AKAP13: variants seen among roughly 807,000 people sequenced by gnomAD.
AKAP13 encodes the protein A-kinase anchoring protein 13, also known as A-kinase anchor protein 13.
Under a neutral mutation model 264.5 loss-of-function variants are expected in AKAP13, and 80 were observed. The ratio of observed to expected loss-of-function variants is 0.30; its 90% CI spans 0.25 to 0.36. The LOEUF (loss-of-function observed/expected upper bound fraction) is 0.36. Ranked by LOEUF, AKAP13 falls within the 10% of genes least tolerant of loss-of-function variation. AKAP13 has a pLI of 1.00. For synonymous variants in AKAP13, 1,380 were observed against 1,250.2 expected, an observed-to-expected ratio of 1.10 and a Z score of -2.19; for missense variants, 3,712 against 3,435.2, an observed-to-expected ratio of 1.08 and a Z score of -2.01.
At chr15:85,641,397 G>T (rs1232573724) in intron 9 of AKAP13, among the ~76,000 whole-genome samples, 2 of 150,164 alleles carry the variant, frequency 1.3e-5, no homozygotes, top group Non-Finnish European at 3.0e-5. Flanking sequence ...AGTGAGCCAA[G>T]ATCATGCCAC....
intron 5 of AKAP13, among the ~76,000 whole-genome samples, chr15:85,548,634 A>G (rs1164957016): frequency 6.6e-6 from 1 of 152,190 alleles, no homozygotes; most frequent in Non-Finnish European, 1.5e-5. Flanking sequence ...AAACTCTAAG[A>G]TACTCTATTT....
intron 1 of AKAP13, among the ~76,000 whole-genome samples, chr15:85,399,523 TAAAA>T (rs1367253621): frequency 0.013 from 1,002 of 77,926 alleles, 11 homozygotes; most frequent in Non-Finnish European, 0.019. Context: ...AAAAAAAAAA[TAAAA>T]AAATAAAAAA....
intron 5 of AKAP13, among the ~76,000 whole-genome samples, chr15:85,563,518 G>C (rs2078490038): frequency 6.6e-6 from 1 of 151,886 alleles, no homozygotes; most frequent in Non-Finnish European, 1.5e-5. Context: ...ACATTCCTTT[G>C]ACTCATAAAA....
intron 1 of AKAP13, chr15:85,381,882 T>G (rs2070297801): frequency 6.6e-6 from 1 of 152,236 alleles, no homozygotes. Flanking sequence ...TCAGTTTTTC[T>G]GAACTGTTGG....
intron 8 of AKAP13, among the ~76,000 whole-genome samples, chr15:85,637,727 T>C (rs1272515323): frequency 2.0e-5 from 3 of 152,162 alleles, no homozygotes; most frequent in Non-Finnish European, 2.9e-5. Context: ...ATTTGAAACC[T>C]TATGTTCTAA....
chr15:85,730,508 T>C lies in AKAP13; in HGVS notation c.7088-5T>C. 6.2e-7 allele frequency: 1 copy of C among 1,613,266 alleles called. No individual in the cohort carries two copies. The highest frequency in any genetic ancestry group is 8.5e-7 in the Non-Finnish European group (1 of 1,179,352). On this transcript the variant is annotated splice_region_variant and splice_polypyrimidine_tract_variant and intron_variant, in intron 29 of 36. Transcript: ENST00000394518. ...AAATCACAGATCATTTTCTCCTTCC[T>C]GCAGAACAACTTCACCAGAAGGACC...
At chr15:85,591,749 A>G (rs1466847803) in intron 8 of AKAP13, among the ~76,000 whole-genome samples, 2 of 152,170 alleles carry the variant, frequency 1.3e-5, no homozygotes, top group Non-Finnish European at 2.9e-5. Flanking sequence ...GATATGGCCA[A>G]GTTCATTAGG....
intron 14 of AKAP13, among the ~76,000 whole-genome samples, chr15:85,680,214 C>T (rs561679968): frequency 6.6e-6 from 1 of 152,164 alleles, no homozygotes; most frequent in Non-Finnish European, 1.5e-5. Flanking sequence ...TAGTAGAATC[C>T]AGGCAAGCTT....
intron 36 of AKAP13, 42 bp downstream of exon 36, chr15:85,743,867 G>C: frequency 1.3e-6 from 2 of 1,559,026 alleles, no homozygotes; most frequent in Admixed American, 1.9e-5. Flanking sequence ...CATAGTGTCT[G>C]TGCATTCTGA....
intron 1 of AKAP13, among the ~76,000 whole-genome samples, chr15:85,466,610 A>G (rs551691920): frequency 3.9e-5 from 6 of 152,300 alleles, no homozygotes; most frequent in Non-Finnish European, 7.4e-5. Flanking sequence ...TTAAATAGGG[A>G]AGGATCTTAG....
chr15:85,402,346 T>C (rs930323667), intron 1 of AKAP13, among the ~76,000 whole-genome samples: 1 of 152,242 alleles, frequency 6.6e-6, no homozygotes, highest in African/African-American at 2.4e-5. Context: ...CTGAAATATG[T>C]TGAAAGTGCC....
chr15:85,456,057 T>G (rs2150987927), intron 1 of AKAP13, among the ~76,000 whole-genome samples: 1 of 152,316 alleles, frequency 6.6e-6, no homozygotes, highest in Admixed American at 6.5e-5. Flanking sequence ...GAGCCTTAAG[T>G]CTTAGATCTT....
intron 5 of AKAP13, among the ~76,000 whole-genome samples, chr15:85,552,289 A>G (rs928800188): frequency 6.6e-6 from 1 of 152,208 alleles, no homozygotes; most frequent in Non-Finnish European, 1.5e-5. Flanking sequence ...TAAGACCTCT[A>G]TCTAGTTGAA....
At chr15:85,616,232 G>C (rs1363858676) in intron 8 of AKAP13, among the ~76,000 whole-genome samples, 10 of 152,214 alleles carry the variant, frequency 6.6e-5, no homozygotes, top group Admixed American at 3.9e-4. Flanking sequence ...TTTGCTGTGA[G>C]ACTCCAGATG....
rs570431396 is a variant in AKAP13, at chr15:85,462,798, G to T, written c.-11-22912G>T. Among the ~76,000 whole-genome samples, 3 of 152,032 alleles carry T rather than the reference G, an allele frequency of 2.0e-5. No homozygotes were observed. In the East Asian group the frequency reaches 5.8e-4, roughly 29 times the overall value. ...CCAGCACTTTGGGAGGCCGAGGCGG[G>T]CGGATCACGAGGTCAGGAGATCGAG... is the stretch of plus-strand genomic sequence containing the variant. On this transcript the variant is annotated intron_variant, in intron 1 of 36. Transcript: ENST00000394518.
chr15:85,586,515 C>T (rs2079358813), intron 8 of AKAP13, among the ~76,000 whole-genome samples: 1 of 152,156 alleles, frequency 6.6e-6, no homozygotes, highest in Non-Finnish European at 1.5e-5. Context: ...ATAAACCCTT[C>T]TTAAACCTGA....
intron 10 of AKAP13, among the ~76,000 whole-genome samples, chr15:85,647,795 G>T (rs1475529864): frequency 6.6e-6 from 1 of 152,134 alleles, no homozygotes; most frequent in Admixed American, 6.5e-5. Flanking sequence ...AATAGTGGTG[G>T]CGGGCACCTG....
At chr15:85,599,738 A>T (rs892427490) in intron 8 of AKAP13, among the ~76,000 whole-genome samples, 2 of 152,212 alleles carry the variant, frequency 1.3e-5, no homozygotes, top group East Asian at 3.8e-4. Flanking sequence ...CATACCTTTT[A>T]TGAATATTAT....
At chr15:85,520,341 A>G (rs1001580730) in intron 2 of AKAP13, among the ~76,000 whole-genome samples, 1 of 151,860 alleles carries the variant, frequency 6.6e-6, no homozygotes, top group Non-Finnish European at 1.5e-5. Flanking sequence ...CTAAAAATAC[A>G]AAAAAATTTA....
Sources: allele counts gnomAD v4.1 joint callset (sites outside exome capture counted in the v4.1 genomes callset), GRCh38; gene constraint gnomAD v4.1.1; transcripts MANE v1.5; gene names NCBI Gene and HGNC (gene_info 2026-07-23, HGNC 2026-07-21).